Variants in SHC3 observed in about 807,000 individuals in gnomAD.
The protein encoded by SHC3 is SHC-transforming protein 3.
Under a neutral mutation model 60.4 loss-of-function variants are expected in SHC3, and 15 were observed. The ratio of observed to expected loss-of-function variants is 0.25; its 90% CI spans 0.17 to 0.38. SHC3 has a LOEUF of 0.38. Ranked by LOEUF, SHC3 falls within the 10% of genes least tolerant of loss-of-function variation. The pLI, the probability that SHC3 is intolerant of heterozygous loss-of-function variation, is 1.00. For synonymous variants in SHC3, 294 were observed against 325.9 expected, an observed-to-expected ratio of 0.90 and a Z score of 1.05; for missense variants, 677 against 786.1, an observed-to-expected ratio of 0.86 and a Z score of 1.66.
intron 11 of SHC3, among the ~76,000 whole-genome samples, chr9:89,028,235 G>C (rs1183415998): frequency 1.3e-5 from 2 of 152,052 alleles, no homozygotes; most frequent in Non-Finnish European, 2.9e-5. Flanking sequence ...ATCTCAGTCA[G>C]TCTTCTGATA....
At chr9:89,035,853 GTGTGT>G (rs1395876500) in intron 11 of SHC3, among the ~76,000 whole-genome samples, 56 of 98,516 alleles carry the variant, frequency 5.7e-4, no homozygotes, top group South Asian at 2.6e-3. Context: ...ATATATAGAT[GTGTGT>G]GTGTGTGTGT....
Position 89,065,393 on chromosome 9 carries a change from C to G in SHC3, c.835+136G>C, listed in dbSNP as rs896280702. 39 of 936,902 alleles carry G rather than the reference C, an allele frequency of 4.2e-5. No individual in the cohort carries two copies. The African/African-American group carries it at 6.1e-4, about 15-fold the overall frequency. The allele number at this position is 936,902 out of a possible 1,614,324, so 58.0% of individuals were successfully genotyped here. On this transcript the variant is annotated intron_variant, in intron 6 of 11. Coordinates refer to ENST00000375835, the MANE Select transcript of SHC3 (RefSeq NM_016848.6). The stretch of plus-strand genomic sequence containing the variant: ...CAAGCGATCTACAACCCTTGCAAAC[C>G]TCATTCATCCTTAGTAATACAAGAT...
chr9:89,155,951 T>C (rs1391992669), intron 1 of SHC3, among the ~76,000 whole-genome samples: 3 of 152,240 alleles, frequency 2.0e-5, no homozygotes, highest in Admixed American at 2.0e-4. Flanking sequence ...GGTATTTTTG[T>C]GGTTTCTTCC....
At chr9:89,118,155 T>G (rs1247623592) in intron 1 of SHC3, among the ~76,000 whole-genome samples, 2 of 151,838 alleles carry the variant, frequency 1.3e-5, no homozygotes, top group Non-Finnish European at 2.9e-5. Flanking sequence ...CCAAGGCACT[T>G]TTTTTTTAAA....
rs551354946 is a variant in SHC3 at position 89,155,453 on chromosome 9, A to G, written c.474+22534T>C. ...CTTGGGGGTCTCAGCTCCCTAGTCC[A>G]TTGCTTCTCCATCCTTACAGGATGT... On this transcript the variant is annotated intron_variant, in intron 1 of 11. Transcript: ENST00000375835. 5.9e-5 allele frequency among the ~76,000 whole-genome samples: 9 copies of G among 152,062 alleles called. No homozygotes were observed. In the South Asian group the frequency reaches 1.9e-3, roughly 32 times the overall value.
chr9:89,094,126 G>GA (rs902461471), intron 2 of SHC3, among the ~76,000 whole-genome samples: 7 of 147,422 alleles, frequency 4.7e-5, no homozygotes, highest in Admixed American at 2.0e-4. Context: ...AAAAAGAAAA[G>GA]AAAAGATTTG....
chr9:89,173,801 A>AAGAGACAACTCACTATCC (rs887950376), intron 1 of SHC3, among the ~76,000 whole-genome samples: 2 of 152,186 alleles, frequency 1.3e-5, no homozygotes, highest in African/African-American at 4.8e-5. Flanking sequence ...GTCACATAAA[A>AAGAGACAACTCACTATCC]AGAGACAACT....
In SHC3 at chr9:89,052,056, T is replaced by A. The variant is rs867762841; in HGVS notation, c.943A>T (p.Ile315Phe). The change falls in exon 7 of 12, where the codon ATT (isoleucine) becomes TTT (phenylalanine). Residue 315 changes from isoleucine (I) to phenylalanine (F), a missense_variant. By Grantham distance (21) the Ile-to-Phe change is conservative (BLOSUM62 0). Coordinates refer to ENST00000375835, the MANE Select transcript of SHC3 (RefSeq NM_016848.6). ...ACTCACCGATCATGGAGAGCGGGAATCTTGGTAGGACACTGTAAATATTGC... is the reference window on the plus strand; with the variant it reads ...ACTCACCGATCATGGAGAGCGGGAAACTTGGTAGGACACTGTAAATATTGC... ...FKQYLQCPTK[I>F]PALHDRMQSL... 5.6e-6 allele frequency: 9 copies of A among 1,614,012 alleles called. No individual in the cohort carries two copies. The highest frequency in any genetic ancestry group is 1.7e-4 in the Middle Eastern group (1 of 6,060).
At chr9:89,146,044 G>A (rs548941696) in intron 1 of SHC3, among the ~76,000 whole-genome samples, 2 of 152,238 alleles carry the variant, frequency 1.3e-5, no homozygotes, top group South Asian at 4.2e-4. Flanking sequence ...TTGGACTTCA[G>A]CATGCAGCTA....
At chr9:89,110,493 A>T in intron 2 of SHC3, 1 of 979,552 alleles carries the variant, frequency 1.0e-6, no homozygotes. Context: ...TACCATGGAG[A>T]CCTTAAAAGC....
chr9:89,014,142 G>T (rs1294925661), intron 11 of SHC3, among the ~76,000 whole-genome samples: 2 of 152,212 alleles, frequency 1.3e-5, no homozygotes, highest in Non-Finnish European at 2.9e-5. Flanking sequence ...TGCCCCTGCA[G>T]TCCCCCACTG....
At chr9:89,143,245 T>G (rs1377237066) in intron 1 of SHC3, among the ~76,000 whole-genome samples, 1 of 152,204 alleles carries the variant, frequency 6.6e-6, no homozygotes, top group African/African-American at 2.4e-5. Context: ...AACTCCCTGA[T>G]GTTGCCATGG....
chr9:89,066,268 G>T (rs113526610), intron 5 of SHC3, among the ~76,000 whole-genome samples: 9 of 152,316 alleles, frequency 5.9e-5, no homozygotes, highest in African/African-American at 2.2e-4. Flanking sequence ...CACACTTTGA[G>T]AACCACTAGG....
In SHC3 at chr9:89,045,761, T is replaced by C. The variant is rs1485709358; in HGVS notation, c.1186A>G (p.Thr396Ala). The change falls in exon 9 of 12, where the codon ACA (threonine) becomes GCA (alanine). Residue 396 changes from threonine to alanine, a missense_variant. Transcript: ENST00000375835. ...GDTFGEDWQQ[T>A]PLRQGSSDIY... The stretch of plus-strand genomic sequence containing the variant: ...TGCCTCTCACCTTGCCTTAAAGGTG[T>C]TTGCTGCCAGTCTTCGCCAAAAGTG... 6.2e-7 allele frequency: 1 copy of C among 1,614,034 alleles called. No homozygotes were observed. Among genetic ancestry groups the C allele is most frequent in the East Asian group, 2.2e-5 (1 of 44,894 alleles).
intron 11 of SHC3, among the ~76,000 whole-genome samples, chr9:89,026,295 TCTACAGTCTTTTCTCTCTGAAGCCTG>T (rs1340489600): frequency 1.1e-4 from 17 of 148,858 alleles, no homozygotes; most frequent in Admixed American, 2.0e-4. Context: ...AAAAGAAACA[TCTACAGTCTTTTCTCTCTGAAGCCTG>T]CTACCTGGAG....
intron 5 of SHC3, among the ~76,000 whole-genome samples, chr9:89,066,493 A>C (rs769646127): frequency 1.3e-5 from 2 of 152,208 alleles, no homozygotes; most frequent in African/African-American, 2.4e-5. Flanking sequence ...CATAGGGAAA[A>C]TGATGACCTC....
At chr9:89,110,730 G>C (rs1481098019) in intron 2 of SHC3, among the ~76,000 whole-genome samples, 1 of 152,122 alleles carries the variant, frequency 6.6e-6, no homozygotes, top group Admixed American at 6.5e-5. Flanking sequence ...GGCAATTCTG[G>C]CACAATTAGA....
intron 3 of SHC3, 36 bp downstream of exon 3, chr9:89,077,804 G>C: frequency 6.2e-7 from 1 of 1,612,158 alleles, no homozygotes; most frequent in South Asian, 1.1e-5. Flanking sequence ...GGAAGTAGAG[G>C]AGACACAGTT....
chr9:89,119,389 C>A (rs1352401718), intron 1 of SHC3, among the ~76,000 whole-genome samples: 6 of 151,840 alleles, frequency 4.0e-5, no homozygotes, highest in Non-Finnish European at 8.8e-5. Context: ...AGTCAAAGCC[C>A]TTCACAGGTT....
Sources: gnomAD v4.1 joint callset for allele counts (sites outside exome capture counted in the v4.1 genomes callset) on GRCh38, gnomAD v4.1.1 for gene constraint, MANE v1.5 for transcripts, NCBI Gene and HGNC (gene_info 2026-07-23, HGNC 2026-07-21) for gene names.